The following ASTN2 variants were observed in gnomAD, a reference collection of about 807,000 sequenced individuals.
ASTN2 encodes astrotactin-2.
ASTN2 carries 54 observed loss-of-function variants against 139.8 expected under a neutral mutation model. The observed-to-expected ratio is 0.39, with a 90% CI of 0.31 to 0.48. The LOEUF (loss-of-function observed/expected upper bound fraction) is 0.48, where lower values mean the gene tolerates loss of function less well. Ranked by LOEUF, ASTN2 falls within the 20% of genes least tolerant of loss-of-function variation. The pLI, the probability that ASTN2 is intolerant of heterozygous loss-of-function variation, is 0.95. For synonymous variants in ASTN2, 756 were observed against 719.5 expected (o/e 1.05, Z -0.81); for missense variants, 1,565 against 1,725.1 (o/e 0.91, Z 1.64).
chr9:116,991,393 T>C (rs900611532), intron 7 of ASTN2, among the ~76,000 whole-genome samples: 2 of 152,150 alleles, frequency 1.3e-5, no homozygotes, highest in African/African-American at 4.8e-5. Flanking sequence ...AAATCTGTCA[T>C]CATGCCTTCC....
At chr9:116,583,880 A>G (rs1588037897) in intron 19 of ASTN2, 1 of 152,314 alleles carries the variant, frequency 6.6e-6, no homozygotes. Context: ...AGAAGAGACC[A>G]TCTTCATGGG....
At chr9:117,318,943 G>C (rs1157236057) in intron 1 of ASTN2, among the ~76,000 whole-genome samples, 1 of 152,204 alleles carries the variant, frequency 6.6e-6, no homozygotes, top group Non-Finnish European at 1.5e-5. Context: ...GCGGGGGCGA[G>C]TTTCAACTAG....
chr9:117,333,784 G>A (rs1362765780), intron 1 of ASTN2, among the ~76,000 whole-genome samples: 1 of 152,108 alleles, frequency 6.6e-6, no homozygotes, highest in African/African-American at 2.4e-5. Flanking sequence ...GATTACAGGC[G>A]TGATCCACTG....
intron 11 of ASTN2, among the ~76,000 whole-genome samples, chr9:116,835,390 T>C (rs1049084282): frequency 1.3e-5 from 2 of 152,236 alleles, no homozygotes; most frequent in Non-Finnish European, 1.5e-5. Context: ...AGCTGTTCTT[T>C]GTAGGGAAAA....
Position 116,726,838 on chromosome 9 carries a change from T to G in ASTN2, c.2627-888A>C, listed in dbSNP as rs1828638863. Among the ~76,000 whole-genome samples, 2 of 152,154 alleles carry G rather than the reference T, an allele frequency of 1.3e-5. 1 individual carries two copies. Among genetic ancestry groups the G allele is most frequent in the Admixed American group, 1.3e-4 (2 of 15,276 alleles). Reference sequence around the variant, plus strand: ...TCTTCCAGGGACATTCCTGAGCTCCTCCCTGCTACTGGACAAAGCCTAGTG... The same window carrying G: ...TCTTCCAGGGACATTCCTGAGCTCCGCCCTGCTACTGGACAAAGCCTAGTG... On this transcript the variant is annotated intron_variant, in intron 15 of 22. Coordinates refer to ENST00000313400, the MANE Select transcript of ASTN2 (RefSeq NM_001365068.1).
intron 13 of ASTN2, among the ~76,000 whole-genome samples, chr9:116,790,951 AAAGAAAAGAAAGAAGGAAAGAAAGAAAG>A (rs1830516311): frequency 7.0e-6 from 1 of 143,686 alleles, no homozygotes; most frequent in African/African-American, 2.6e-5. Context: ...AGAAAGAAAG[AAAGAAAAGAAAGAAGGAAAGAAAGAAAG>A]AAAGAAAGAA....
intron 11 of ASTN2, among the ~76,000 whole-genome samples, chr9:116,857,265 T>A (rs1832764702): frequency 6.6e-6 from 1 of 152,196 alleles, no homozygotes; most frequent in Admixed American, 6.5e-5. Flanking sequence ...TTAATTGCCA[T>A]GAACATAGGC....
rs1419322089 is a variant in ASTN2 at position 116,699,644 on chromosome 9, C to T, written c.2806+26127G>A. ...CTAAGGGGCAGCTGCTGGTCTTGGA[C>T]TGTTGGGATCATTGCATCAAGATCT... On this transcript the variant is annotated intron_variant, in intron 16 of 22. Coordinates refer to ENST00000313400, the MANE Select transcript of ASTN2 (RefSeq NM_001365068.1). The surrounding 1 kb of genome is among the most constrained non-coding windows in gnomAD (Gnocchi z 4.2). The T allele has an allele frequency of 2.5e-6, 4 of 1,614,030 alleles. No homozygotes were observed. Among genetic ancestry groups the T allele is most frequent in the African/African-American group, 2.7e-5 (2 of 74,908 alleles).
chr9:116,552,878 T>C (rs148842821), intron 19 of ASTN2, among the ~76,000 whole-genome samples: 49 of 152,340 alleles, frequency 3.2e-4, no homozygotes, highest in African/African-American at 1.1e-3. Context: ...AGGGCTTTTC[T>C]TGGGATTTTA....
rs71379275 is a variant in ASTN2 at position 117,364,950 on chromosome 9, AACACACACACACACACACAC to A, written c.442+49527_442+49546del. On this transcript the variant is annotated intron_variant, in intron 1 of 22. Coordinates refer to ENST00000313400, the MANE Select transcript of ASTN2 (RefSeq NM_001365068.1). ...CAACATAGTGAGACTCCATCTCTAC[AACACACACACACACACACAC>A]ACACACACACACACACACACACACA... is the stretch of plus-strand genomic sequence containing the variant. 2.1e-3 allele frequency among the ~76,000 whole-genome samples: 258 copies of A among 121,540 alleles called. 1 individual carries two copies. Among genetic ancestry groups the A allele is most frequent in the Admixed American group, 3.8e-3 (44 of 11,432 alleles). 79.7% of individuals were successfully genotyped at this position (121,540 alleles called of 152,430 possible). A position where few individuals can be genotyped will look rare whatever the true frequency, so the allele number is the denominator to read the frequency against.
chr9:116,852,506 G>T (rs1007388378), intron 11 of ASTN2, among the ~76,000 whole-genome samples: 20 of 152,152 alleles, frequency 1.3e-4, no homozygotes, highest in Non-Finnish European at 2.2e-4. Context: ...TCAATGAGGA[G>T]AAAGGCTATT....
chr9:116,782,765 T>C (rs745312423), intron 13 of ASTN2, among the ~76,000 whole-genome samples: 4 of 151,854 alleles, frequency 2.6e-5, no homozygotes, highest in Non-Finnish European at 4.4e-5. Context: ...CTAACTGCAG[T>C]CTGATTCCCT....
chr9:116,714,712 A>G (rs932927114), intron 16 of ASTN2, among the ~76,000 whole-genome samples: 21 of 152,190 alleles, frequency 1.4e-4, no homozygotes, highest in Non-Finnish European at 2.8e-4. Flanking sequence ...CGGGAGGAGA[A>G]TGCATCAATG....
intron 13 of ASTN2, among the ~76,000 whole-genome samples, chr9:116,751,514 T>C (rs1399498492): frequency 6.6e-6 from 1 of 152,024 alleles, no homozygotes; most frequent in Non-Finnish European, 1.5e-5. Flanking sequence ...TGACACATTA[T>C]ACTGTGTGCT....
At chr9:117,330,497 A>G (rs1416582506) in intron 1 of ASTN2, among the ~76,000 whole-genome samples, 1 of 152,158 alleles carries the variant, frequency 6.6e-6, no homozygotes, top group Non-Finnish European at 1.5e-5. Flanking sequence ...CAGGGCTGAA[A>G]GGAGCCAATA....
chr9:117,311,866 C>T (rs1334047341), intron 1 of ASTN2, among the ~76,000 whole-genome samples: 1 of 152,130 alleles, frequency 6.6e-6, no homozygotes, highest in Non-Finnish European at 1.5e-5. Flanking sequence ...CATAGTCTAT[C>T]CCTGTTGAAG....
In ASTN2 at chr9:116,651,629, G is replaced by A. The variant is rs768526715; in HGVS notation, c.2971C>T (p.Arg991Cys). Residue 991 changes from arginine (R) to cysteine (C), a missense_variant, in exon 17 of 23, where the codon CGC becomes TGC. This residue lies in a region of ASTN2 where 418 missense variants were observed against 465.8 expected (regional missense o/e 0.90). Coordinates refer to ENST00000313400, the MANE Select transcript of ASTN2 (RefSeq NM_001365068.1). ...CTCAGCTGCTCCTTGCCTGGCCGGCGGCAAAGGTGACAGGTAGATGGACAG... is the reference window on the plus strand; with the variant it reads ...CTCAGCTGCTCCTTGCCTGGCCGGCAGCAAAGGTGACAGGTAGATGGACAG... Reference protein sequence around the residue: ...GRCPSTCHLCRRPGKEQLSPT... With the variant: ...GRCPSTCHLCCRPGKEQLSPT... The A allele has an allele frequency of 1.4e-4, 232 of 1,613,986 alleles. No individual in the cohort carries two copies. Among genetic ancestry groups the A allele is most frequent in the Non-Finnish European group, 1.8e-4 (216 of 1,180,028 alleles).
chr9:117,240,651 CCTT>C (rs1833178224), intron 2 of ASTN2, among the ~76,000 whole-genome samples: 1 of 152,148 alleles, frequency 6.6e-6, no homozygotes, highest in Non-Finnish European at 1.5e-5. Context: ...CATAGATAAA[CCTT>C]CTAACAGACC....
chr9:117,135,681 T>C (rs1829933650), intron 4 of ASTN2, among the ~76,000 whole-genome samples: 1 of 152,150 alleles, frequency 6.6e-6, no homozygotes, highest in South Asian at 2.1e-4. Context: ...ACTGGGGCTA[T>C]GAGTGCTCAG....
Sources: gnomAD v4.1 joint callset for allele counts (sites outside exome capture counted in the v4.1 genomes callset) on GRCh38, gnomAD v4.1.1 for gene constraint, gnomAD v4.1.1 regional missense constraint, Gnocchi (gnomAD v3.1) non-coding constraint, MANE v1.5 for transcripts, NCBI Gene and HGNC (gene_info 2026-07-23, HGNC 2026-07-21) for gene names.